The following USP49 variants were observed in gnomAD, a reference collection of about 807,000 sequenced individuals.
USP49 encodes ubiquitin specific peptidase 49.
USP49 carries 24 observed loss-of-function variants against 58.6 expected under a neutral mutation model. The observed-to-expected ratio is 0.41, with a 90% CI of 0.30 to 0.58. The LOEUF is 0.58. Ranked by LOEUF, USP49 falls within the 20% of genes least tolerant of loss-of-function variation. The pLI is 0.30. For synonymous variants in USP49, 408 were observed against 365.1 expected (o/e 1.12, Z -1.34); for missense variants, 703 against 866.1 (o/e 0.81, Z 2.36).
At chr6:41,836,098 C>T (rs1192238) in intron 3 of USP49, among the ~76,000 whole-genome samples, 35,649 of 151,662 alleles carry the variant, frequency 0.24, 5,028 homozygotes, top group Middle Eastern at 0.35. Flanking sequence ...AAATACAATA[C>T]AAATTGAGTA....
intron 4 of USP49, among the ~76,000 whole-genome samples, chr6:41,804,909 C>G (rs754799923): frequency 6.6e-6 from 1 of 152,126 alleles, no homozygotes; most frequent in Non-Finnish European, 1.5e-5. Context: ...CCACCACGCC[C>G]GGCTAATTTT....
chr6:41,843,113 G>A (rs185248878), intron 3 of USP49, among the ~76,000 whole-genome samples: 6 of 152,162 alleles, frequency 3.9e-5, no homozygotes, highest in African/African-American at 1.4e-4. Flanking sequence ...GGGTTCAAGT[G>A]ATTCTCCTGC....
chr6:41,806,472 T>C lies in USP49; in HGVS notation c.512A>G (p.Gln171Arg). 6.3e-7 allele frequency: 1 copy of C among 1,596,692 alleles called. No homozygotes were observed. The highest frequency in any genetic ancestry group is 8.5e-7 in the Non-Finnish European group (1 of 1,178,710). The change falls in exon 4 of 8, where the codon CAG becomes CGG. Residue 171 changes from glutamine (Q) to arginine (R), a missense_variant. This residue lies in a region of USP49 where 376 missense variants were observed against 373.5 expected (regional missense o/e 1.01). Transcript: ENST00000682992. The surrounding 1 kb of genome is among the most constrained non-coding windows in gnomAD (Gnocchi z 5.9). ...KSSRGQAKLE[Q>R]RRQEEALERK... ...CTCCAGGGCCTCCTCCTGCCGCCGC[T>C]GCTCCAGCTTCGCCTGGCCCCGGGA...
At chr6:41,831,612 T>G (rs1454108381) in intron 3 of USP49, among the ~76,000 whole-genome samples, 1 of 151,044 alleles carries the variant, frequency 6.6e-6, no homozygotes, top group Non-Finnish European at 1.5e-5. Context: ...AGAGCTACCA[T>G]TTTTGAAATA....
At chr6:41,853,503 TG>T (rs1774067063) in intron 3 of USP49, among the ~76,000 whole-genome samples, 1 of 152,206 alleles carries the variant, frequency 6.6e-6, no homozygotes, top group South Asian at 2.1e-4. Context: ...ACTGTACTCT[TG>T]AAAATGAAGG....
At chr6:41,829,522 A>G (rs1295362375) in intron 3 of USP49, among the ~76,000 whole-genome samples, 1 of 152,186 alleles carries the variant, frequency 6.6e-6, no homozygotes, top group Non-Finnish European at 1.5e-5. Context: ...CATGTTGGTC[A>G]GGCTGGTCTT....
At chr6:41,853,399 G>A (rs9381096) in intron 3 of USP49, among the ~76,000 whole-genome samples, 25,065 of 152,130 alleles carry the variant, frequency 0.16, 2,486 homozygotes, top group East Asian at 0.25. Flanking sequence ...TTTTTAATGC[G>A]TATAGAGTTT....
chr6:41,804,155 T>A, intron 4 of USP49, 145 bp from the exon 5 acceptor site: 2 of 697,060 alleles, frequency 2.9e-6, no homozygotes, highest in Non-Finnish European at 4.6e-6. Flanking sequence ...AACATAACTT[T>A]AAAAGAATTA....
intron 2 of USP49, among the ~76,000 whole-genome samples, chr6:41,886,706 G>C (rs369733451): frequency 1.3e-5 from 2 of 152,190 alleles, no homozygotes; most frequent in South Asian, 2.1e-4. Context: ...AGACCAACCT[G>C]GCCAACATGG....
intron 3 of USP49, among the ~76,000 whole-genome samples, chr6:41,857,282 A>C (rs951772136): frequency 2.0e-5 from 3 of 152,204 alleles, no homozygotes; most frequent in Admixed American, 2.0e-4. Context: ...AAGCTTAATA[A>C]AATTTGTATT....
intron 3 of USP49, among the ~76,000 whole-genome samples, chr6:41,834,398 A>T (rs1773689376): frequency 6.6e-6 from 1 of 152,228 alleles, no homozygotes; most frequent in African/African-American, 2.4e-5. Flanking sequence ...TAAAATGCCC[A>T]GACACTATTA....
intron 2 of USP49, among the ~76,000 whole-genome samples, chr6:41,879,022 C>T (rs1013922987): frequency 5.9e-5 from 9 of 152,218 alleles, no homozygotes; most frequent in African/African-American, 2.2e-4. Flanking sequence ...TGTGGTAAAA[C>T]TTAGTTGGAA....
chr6:41,796,212 G>A lies in USP49; in HGVS notation c.*321C>T. The A allele has an allele frequency of 4.2e-6, 1 of 235,438 alleles. No individual in the cohort carries two copies. Among genetic ancestry groups the A allele is most frequent in the Non-Finnish European group, 8.4e-6 (1 of 118,602 alleles). 14.6% of individuals were successfully genotyped at this position (235,438 alleles called of 1,614,324 possible). A position where few individuals can be genotyped will look rare whatever the true frequency, so the allele number is the denominator to read the frequency against. On this transcript the variant is annotated 3_prime_UTR_variant, in exon 8 of 8. Transcript: ENST00000682992. ...CACATCATGGAGAGAAAACATGGCT[G>A]CTCTCCTGTGTGGATATGATTGATT...
In USP49 at chr6:41,882,620, G is replaced by A. The variant is rs1015669652; in HGVS notation, c.-103+9174C>T. On this transcript the variant is annotated intron_variant, in intron 2 of 7. Coordinates refer to ENST00000682992, the MANE Select transcript of USP49 (RefSeq NM_001286554.2). Reference sequence around the variant, plus strand: ...ACATCAAAATCAAGAATTTCCATTCGGTAAAGAACAAGGCAGCCACGCGCA... The same window carrying A: ...ACATCAAAATCAAGAATTTCCATTCAGTAAAGAACAAGGCAGCCACGCGCA... Among the ~76,000 whole-genome samples, 6 of 114,466 alleles carry A rather than the reference G, an allele frequency of 5.2e-5. No homozygotes were observed. The South Asian group carries it at 1.3e-3, about 25-fold the overall frequency. 75.1% of individuals were successfully genotyped at this position (114,466 alleles called of 152,430 possible).
intron 3 of USP49, among the ~76,000 whole-genome samples, chr6:41,841,743 A>G (rs1488850019): frequency 6.6e-6 from 1 of 152,196 alleles, no homozygotes; most frequent in Non-Finnish European, 1.5e-5. Flanking sequence ...ATACAACAAC[A>G]ACGCACAGTT....
chr6:41,810,315 T>C (rs1396767546), intron 3 of USP49, among the ~76,000 whole-genome samples: 1 of 147,724 alleles, frequency 6.8e-6, no homozygotes, highest in Non-Finnish European at 1.5e-5. Flanking sequence ...ACCCCGTCTC[T>C]ACTAAAAAAA....
Position 41,806,254 on chromosome 6 carries a change from G to A in USP49, c.730C>T (p.Arg244Cys). ...RVPAATLKLR[R>C]QPAMAPGVTG... ...ACGCCTGGGGCCATGGCCGGCTGGC[G>A]ACGCAGCTTGAGTGTGGCGGCGGGC... Residue 244 changes from arginine to cysteine, a missense_variant, in exon 4 of 8, where the codon CGC becomes TGC. By Grantham distance (180) the Arg-to-Cys change is radical. This residue lies in a region of USP49 where 376 missense variants were observed against 373.5 expected (regional missense o/e 1.01). Transcript: ENST00000682992. The surrounding 1 kb of genome is among the most constrained non-coding windows in gnomAD (Gnocchi z 5.9). 6.2e-7 allele frequency: 1 copy of A among 1,607,942 alleles called. No homozygotes were observed. The highest frequency in any genetic ancestry group is 8.5e-7 in the Non-Finnish European group (1 of 1,179,876).
chr6:41,849,410 G>A lies in USP49; in HGVS notation c.-29+22154C>T, dbSNP rs549459581. Among the ~76,000 whole-genome samples, 34 of 152,132 alleles carry A rather than the reference G, an allele frequency of 2.2e-4. No individual in the cohort carries two copies. In the South Asian group the frequency reaches 7.1e-3, roughly 32 times the overall value. On this transcript the variant is annotated intron_variant, in intron 3 of 7. Transcript: ENST00000682992. ...GAACAACCAGACAGAAGATCAACAT[G>A]GAAAGAGAGGACCTGAACAACATTA... is the stretch of plus-strand genomic sequence containing the variant.
chr6:41,820,549 T>C (rs1178425031), intron 3 of USP49, among the ~76,000 whole-genome samples: 1 of 151,768 alleles, frequency 6.6e-6, no homozygotes, highest in Non-Finnish European at 1.5e-5. Flanking sequence ...GATTGATATA[T>C]GGAATTTGCT....
Sources: gnomAD v4.1 joint callset for allele counts (sites outside exome capture counted in the v4.1 genomes callset) on GRCh38, gnomAD v4.1.1 for gene constraint, gnomAD v4.1.1 regional missense constraint, Gnocchi (gnomAD v3.1) non-coding constraint, MANE v1.5 for transcripts, NCBI Gene and HGNC (gene_info 2026-07-23, HGNC 2026-07-21) for gene names.